The following FHIT variants were observed in gnomAD, a reference collection of about 807,000 sequenced individuals.
The protein encoded by FHIT is fragile histidine triad diadenosine triphosphatase, also known as bis(5'-adenosyl)-triphosphatase.
Under a neutral mutation model 17.9 loss-of-function variants are expected in FHIT, and 19 were observed. That is an observed-to-expected ratio of 1.06 (90% CI 0.74 to 1.56). FHIT has a LOEUF of 1.56. FHIT is among the 40% of genes most tolerant of loss of function. FHIT has a pLI of 0.00. For synonymous variants in FHIT, 81 were observed against 69.7 expected, an observed-to-expected ratio of 1.16 and a Z score of -0.81; for missense variants, 248 against 189.2, an observed-to-expected ratio of 1.31 and a Z score of -1.82.
chr3:61,246,703 AG>A (rs546091307), intron 1 of FHIT, among the ~76,000 whole-genome samples: 213 of 151,392 alleles, frequency 1.4e-3, no homozygotes, highest in African/African-American at 4.7e-3. Context: ...TGTGGGGTAG[AG>A]GGGGAAGGGG....
intron 4 of FHIT, among the ~76,000 whole-genome samples, chr3:60,626,530 GAA>G (rs2039291866): frequency 6.6e-6 from 1 of 152,078 alleles, no homozygotes; most frequent in African/African-American, 2.4e-5. Context: ...TGAATAGAGA[GAA>G]TGAGTTTGTG....
At chr3:60,121,633 G>C (rs1482174321) in intron 5 of FHIT, among the ~76,000 whole-genome samples, 2 of 151,900 alleles carry the variant, frequency 1.3e-5, no homozygotes, top group Non-Finnish European at 2.9e-5. Context: ...GCAGTGAGCT[G>C]AGATCATGCC....
At chr3:60,298,527 TG>T (rs1385481833) in intron 5 of FHIT, among the ~76,000 whole-genome samples, 1 of 152,166 alleles carries the variant, frequency 6.6e-6, no homozygotes, top group African/African-American at 2.4e-5. Context: ...ATAGTAGCGG[TG>T]AGAGTCACCA....
chr3:60,744,472 AG>A (rs1553714826), intron 4 of FHIT, among the ~76,000 whole-genome samples: 1 of 152,156 alleles, frequency 6.6e-6, no homozygotes, highest in Admixed American at 6.5e-5. Flanking sequence ...TTGTTCTAAT[AG>A]GGGATCCATG....
At chr3:60,928,593 T>TA (rs533923982) in intron 3 of FHIT, among the ~76,000 whole-genome samples, 217 of 138,380 alleles carry the variant, frequency 1.6e-3, no homozygotes, top group African/African-American at 4.2e-3. Context: ...TTTTAAATGC[T>TA]AAAAAAAAAA....
At chr3:59,992,061 G>T (rs1486809542) in intron 7 of FHIT, among the ~76,000 whole-genome samples, 1 of 151,990 alleles carries the variant, frequency 6.6e-6, no homozygotes, top group Non-Finnish European at 1.5e-5. Flanking sequence ...GAAGTAAAAC[G>T]AAACAGAGGA....
chr3:60,379,267 A>G (rs1264711369), intron 5 of FHIT, among the ~76,000 whole-genome samples: 1 of 152,120 alleles, frequency 6.6e-6, no homozygotes, highest in Non-Finnish European at 1.5e-5. Flanking sequence ...CAAAAAGAGA[A>G]GCATTCTTCC....
intron 5 of FHIT, among the ~76,000 whole-genome samples, chr3:60,511,709 C>T (rs1346693513): frequency 6.6e-6 from 1 of 152,078 alleles, no homozygotes; most frequent in Non-Finnish European, 1.5e-5. Context: ...ACACTTAATG[C>T]CCAGATCTTG....
intron 5 of FHIT, among the ~76,000 whole-genome samples, chr3:60,452,300 A>G (rs1429755564): frequency 6.6e-6 from 1 of 152,140 alleles, no homozygotes; most frequent in African/African-American, 2.4e-5. Flanking sequence ...CATATGCTTT[A>G]TCTCATTTCA....
intron 7 of FHIT, among the ~76,000 whole-genome samples, chr3:59,946,771 A>T (rs1438470843): frequency 6.6e-6 from 1 of 152,182 alleles, no homozygotes; most frequent in Non-Finnish European, 1.5e-5. Context: ...TGAGATAATC[A>T]TGTGGTTTTT....
At chr3:60,981,781 T>C (rs1710507631) in intron 3 of FHIT, among the ~76,000 whole-genome samples, 1 of 29,836 alleles carries the variant, frequency 3.4e-5, no homozygotes, top group Non-Finnish European at 6.5e-5. Flanking sequence ...GCTATTTTTT[T>C]TTTAAGAGAT....
chr3:59,760,252 G>A (rs1331647092), intron 8 of FHIT, among the ~76,000 whole-genome samples: 5 of 152,022 alleles, frequency 3.3e-5, no homozygotes, highest in Admixed American at 6.6e-5. Context: ...ATAGAGTGTT[G>A]GATGTTTAAG....
At chr3:60,033,597 T>C (rs898850516) in intron 5 of FHIT, among the ~76,000 whole-genome samples, 6 of 152,216 alleles carry the variant, frequency 3.9e-5, no homozygotes, top group Non-Finnish European at 7.3e-5. Flanking sequence ...TACATGCTGA[T>C]GTGTGTAGAG....
chr3:60,532,572 G>C (rs2035825642), intron 5 of FHIT, among the ~76,000 whole-genome samples: 1 of 152,168 alleles, frequency 6.6e-6, no homozygotes. Context: ...ACTCTGAAAA[G>C]CATTTTCCAG....
intron 2 of FHIT, among the ~76,000 whole-genome samples, chr3:61,082,703 A>G (rs981106963): frequency 2.6e-5 from 4 of 152,228 alleles, no homozygotes; most frequent in Non-Finnish European, 5.9e-5. Context: ...AACACTTAGT[A>G]TTATCAATCT....
chr3:60,763,633 C>T (rs928831593), intron 4 of FHIT, among the ~76,000 whole-genome samples: 3 of 152,174 alleles, frequency 2.0e-5, no homozygotes, highest in Non-Finnish European at 4.4e-5. Flanking sequence ...TCCAGCAACA[C>T]ATGGCGATGA....
intron 3 of FHIT, among the ~76,000 whole-genome samples, chr3:60,898,614 A>G (rs1705946960): frequency 6.6e-6 from 1 of 152,178 alleles, no homozygotes; most frequent in African/African-American, 2.4e-5. Flanking sequence ...GTCTGCCCAA[A>G]ACTCTGTAAA....
Position 60,468,382 on chromosome 3 carries a change from C to T in FHIT, c.103+68478G>A, listed in dbSNP as rs144857505. 4.5e-4 allele frequency among the ~76,000 whole-genome samples: 68 copies of T among 152,104 alleles called. No individual in the cohort carries two copies. The Middle Eastern group carries it at 0.01, about 23-fold the overall frequency. On this transcript the variant is annotated intron_variant, in intron 5 of 9. Coordinates refer to ENST00000492590, the MANE Select transcript of FHIT (RefSeq NM_002012.4). The stretch of plus-strand genomic sequence containing the variant: ...GTAGTCTTCTCTTTCTTCTTTCATT[C>T]CTTCCTGTCTTCCTTTTAATGAAGG...
chr3:60,979,506 A>G (rs529882672), intron 3 of FHIT, among the ~76,000 whole-genome samples: 3 of 152,328 alleles, frequency 2.0e-5, no homozygotes, highest in Non-Finnish European at 4.4e-5. Context: ...AAAATTGTGA[A>G]GTAGTGACAT....
Sources: gnomAD v4.1 joint callset for allele counts (sites outside exome capture counted in the v4.1 genomes callset) on GRCh38, gnomAD v4.1.1 for gene constraint, MANE v1.5 for transcripts, NCBI Gene and HGNC (gene_info 2026-07-23, HGNC 2026-07-21) for gene names.